The following ZNF737 variants were observed in gnomAD, a reference collection of about 807,000 sequenced individuals.
ZNF737 encodes the protein zinc finger protein 102 (Y3).
A neutral mutation model predicts 11.7 loss-of-function variants in ZNF737; 13 were observed. That is an observed-to-expected ratio of 1.11 (90% CI 0.73 to 1.77). The LOEUF is 1.77. Ranked by LOEUF, ZNF737 falls within the 40% of genes most tolerant of loss-of-function variation. The pLI, the probability that ZNF737 is intolerant of heterozygous loss-of-function variation, is 0.00. For missense variants in ZNF737, 636 were observed against 638.0 expected (o/e 1.00, Z 0.03); for synonymous variants, 217 against 216.2 (o/e 1.00, Z -0.03).
In ZNF737 at chr19:20,544,951, TTA is replaced by T. The variant is rs1555756307; in HGVS notation, c.1250_1251del (p.Ile417AsnfsTer11). 1 of 1,612,990 alleles carries T rather than the reference TTA, an allele frequency of 6.2e-7. No homozygotes were observed. The highest frequency in any genetic ancestry group is 1.1e-5 in the South Asian group (1 of 90,928). ...KYSSSLTTHK[I>X]IHTGQQPFKC... Reference sequence around the variant, plus strand: ...TTGAAGGGTTGCTGTCCAGTATGGATTATCTTATGTGTAGTAAGGGAAGAGGA... The same window carrying T: ...TTGAAGGGTTGCTGTCCAGTATGGATTCTTATGTGTAGTAAGGGAAGAGGA... On this transcript the variant is annotated frameshift_variant, in exon 4 of 4. Transcript: ENST00000427401. LOFTEE classifies it low-confidence loss of function (END_TRUNC).
rs190707251 is a variant in ZNF737 at position 20,553,517 on chromosome 19, C to T, written c.130+192G>A. ...TCAGGTAATACCCCCACCTCAGCCTCCCAAAGTGCTGGGATTACAGGCATG... is the reference window on the plus strand; with the variant it reads ...TCAGGTAATACCCCCACCTCAGCCTTCCAAAGTGCTGGGATTACAGGCATG... On this transcript the variant is annotated intron_variant, in intron 2 of 3. Coordinates refer to ENST00000427401, the MANE Select transcript of ZNF737 (RefSeq NM_001159293.2). Among the ~76,000 whole-genome samples the T allele has an allele frequency of 5.1e-3, 780 of 152,150 alleles. 7 individuals are homozygous for T. The highest frequency in any genetic ancestry group is 6.8e-3 in the Middle Eastern group (2 of 294).
chr19:20,535,949 G>T, downstream of ZNF737: 1 of 419,720 alleles, frequency 2.4e-6, no homozygotes, highest in Non-Finnish European at 3.2e-6. Context: ...GGTTAAGAGA[G>T]CTTCTTCAGG....
the ZNF737 span, among the ~76,000 whole-genome samples, chr19:20,530,595 G>A: frequency 6.1e-5 from 9 of 147,938 alleles, no homozygotes; most frequent in Non-Finnish European, 1.2e-4. Context: ...AGACGGGGTC[G>A]TGGCCGGGCC....
intron 1 of ZNF737, chr19:20,563,990 C>A (rs868948805): frequency 6.6e-6 from 1 of 151,622 alleles, no homozygotes; most frequent in Non-Finnish European, 1.5e-5. Context: ...ATGTTGAAAC[C>A]CCCTCTCTAC....
In ZNF737 at chr19:20,563,518, C is replaced by A. The variant is rs149225182; in HGVS notation, c.3+2120G>T. Among the ~76,000 whole-genome samples, 192 of 148,450 alleles carry A rather than the reference C, an allele frequency of 1.3e-3. 3 individuals are homozygous for A. The East Asian group carries it at 0.037, about 28-fold the overall frequency. On this transcript the variant is annotated intron_variant, in intron 1 of 3. Transcript: ENST00000427401. Reference sequence around the variant, plus strand: ...TTTTTTTTTTTTTGAGACGGAGTCACCCTGTGGCCCAGGCTGGAGTTCAAT... The same window carrying A: ...TTTTTTTTTTTTTGAGACGGAGTCAACCTGTGGCCCAGGCTGGAGTTCAAT...
chr19:20,548,000 G>T (rs113265102), intron 3 of ZNF737, among the ~76,000 whole-genome samples: 3,874 of 152,222 alleles, frequency 0.025, 85 homozygotes, highest in Non-Finnish European at 0.038. Context: ...AGATTAGCTT[G>T]GCGATGTGAC....
Position 20,544,013 on chromosome 19 carries a change from A to G in ZNF737, c.*579T>C. 1 of 635,184 alleles carries G rather than the reference A, an allele frequency of 1.6e-6. No individual in the cohort carries two copies. Among genetic ancestry groups the G allele is most frequent in the Non-Finnish European group, 2.0e-6 (1 of 510,534 alleles). The allele number at this position is 635,184 out of a possible 1,614,324, so 39.3% of individuals were successfully genotyped here. A position where few individuals can be genotyped will look rare whatever the true frequency, so the allele number is the denominator to read the frequency against. ...CATGTTGGAGGACACCTGTAATCCCAGCTACTCAGGAAGCTGAGGTAGGAG... is the reference window on the plus strand; with the variant it reads ...CATGTTGGAGGACACCTGTAATCCCGGCTACTCAGGAAGCTGAGGTAGGAG... On this transcript the variant is annotated 3_prime_UTR_variant, in exon 4 of 4. Coordinates refer to ENST00000427401, the MANE Select transcript of ZNF737 (RefSeq NM_001159293.2).
At chr19:20,534,660 A>C (rs1433998910), downstream of ZNF737, among the ~76,000 whole-genome samples, 1 of 150,156 alleles carries the variant, frequency 6.7e-6, no homozygotes, top group Non-Finnish European at 1.5e-5. Flanking sequence ...CAAATTATAC[A>C]TATCAAAAAA....
At chr19:20,553,012 CGAA>C (rs1968749760) in intron 2 of ZNF737, among the ~76,000 whole-genome samples, 25 of 135,106 alleles carry the variant, frequency 1.9e-4, no homozygotes, top group African/African-American at 4.2e-4. Flanking sequence ...ACTCTGTCCC[CGAA>C]AAAAAAAAAA....
At chr19:20,531,172 G>A (rs1967816294), downstream of ZNF737, among the ~76,000 whole-genome samples, 2 of 141,644 alleles carry the variant, frequency 1.4e-5, no homozygotes, top group African/African-American at 5.3e-5. Context: ...AGCCGAGATG[G>A]CAGCAGCACA....
At position 20,545,507 on chromosome 19, in the gene ZNF737, T is replaced by A. The variant is rs782744038; in HGVS notation, c.696A>T (p.Glu232Asp). 3.7e-6 allele frequency: 6 copies of A among 1,613,470 alleles called. No individual in the cohort carries two copies. The highest frequency in any genetic ancestry group is 5.1e-6 in the Non-Finnish European group (6 of 1,179,794). The change falls in exon 4 of 4, where the codon GAA becomes GAT. Residue 232 changes from glutamate to aspartate, a missense_variant. Coordinates refer to ENST00000427401, the MANE Select transcript of ZNF737 (RefSeq NM_001159293.2). Reference protein sequence around the residue: ...IHTGEKRYKCEDCGKAFSRFS... With the variant: ...IHTGEKRYKCDDCGKAFSRFS... ...ACCGGCTAAAGGCTTTGCCACAGTCTTCACATTTGTACCGTTTCTCTCCAG... is the reference window on the plus strand; with the variant it reads ...ACCGGCTAAAGGCTTTGCCACAGTCATCACATTTGTACCGTTTCTCTCCAG...
At position 20,547,401 on chromosome 19, in the gene ZNF737, A is replaced by AAAC. The variant is rs375309959; in HGVS notation, c.227-1426_227-1425insGTT. Among the ~76,000 whole-genome samples, 146 of 141,040 alleles carry AAAC rather than the reference A, an allele frequency of 1.0e-3. 4 individuals are homozygous for AAAC. Among genetic ancestry groups the AAAC allele is most frequent in the Non-Finnish European group, 1.4e-3 (90 of 64,750 alleles). The allele number at this position is 141,040 out of a possible 152,430, so 92.5% of individuals were successfully genotyped here. A position where few individuals can be genotyped will look rare whatever the true frequency, so the allele number is the denominator to read the frequency against. On this transcript the variant is annotated intron_variant, in intron 3 of 3. Coordinates refer to ENST00000427401, the MANE Select transcript of ZNF737 (RefSeq NM_001159293.2). The stretch of plus-strand genomic sequence containing the variant: ...GTCTCAAAAAAAAAAAAAAAAAAAA[A>AAAC]CACCACCTACAGTAACATAAACAAT...
chr19:20,565,507 C>T, intron 1 of ZNF737, 131 bp downstream of exon 1: 1 of 1,504,554 alleles, frequency 6.6e-7, no homozygotes, highest in Non-Finnish European at 9.2e-7. Flanking sequence ...TGAGGCCGAG[C>T]TGGGCAAGGA....
Position 20,543,174 on chromosome 19 carries a change from C to T in ZNF737, c.*1418G>A, listed in dbSNP as rs1311431512. The T allele has an allele frequency of 4.1e-6, 4 of 972,216 alleles. No individual in the cohort carries two copies. The African/African-American group carries it at 7.2e-5, about 17-fold the overall frequency. 60.2% of individuals were successfully genotyped at this position (972,216 alleles called of 1,614,324 possible). On this transcript the variant is annotated 3_prime_UTR_variant, in exon 4 of 4. Coordinates refer to ENST00000427401, the MANE Select transcript of ZNF737 (RefSeq NM_001159293.2). The stretch of plus-strand genomic sequence containing the variant: ...GCAAAATTATATTTTAGCATAAACT[C>T]TCTGTTGTTTTCTAAGCTGTAGTTT...
downstream of ZNF737, among the ~76,000 whole-genome samples, chr19:20,535,585 G>T (rs1555753676): frequency 1.3e-5 from 2 of 150,598 alleles, no homozygotes; most frequent in Non-Finnish European, 2.9e-5. Flanking sequence ...GAGTGCAGTG[G>T]CACCATCTCC....
At chr19:20,562,784 TCTTAAG>T (rs1197781016) in intron 1 of ZNF737, among the ~76,000 whole-genome samples, 1 of 152,090 alleles carries the variant, frequency 6.6e-6, no homozygotes, top group Non-Finnish European at 1.5e-5. Context: ...ATCGAACTCT[TCTTAAG>T]CTTATCTCCC....
chr19:20,537,780 G>A (rs542789429), downstream of ZNF737, among the ~76,000 whole-genome samples: 12 of 152,038 alleles, frequency 7.9e-5, no homozygotes, highest in Admixed American at 7.9e-4. Flanking sequence ...CTCCCAAAGT[G>A]CTGGGATTAC....
downstream of ZNF737, chr19:20,535,725 C>T (rs1277865306): frequency 2.6e-5 from 4 of 151,848 alleles, no homozygotes; most frequent in African/African-American, 9.7e-5. Context: ...AGGATTTCCC[C>T]CATGTTGGCC....
intron 2 of ZNF737, among the ~76,000 whole-genome samples, chr19:20,552,963 G>C (rs1968744639): frequency 6.8e-6 from 1 of 146,732 alleles, no homozygotes; most frequent in Non-Finnish European, 1.5e-5. Flanking sequence ...AGTAAGCTGA[G>C]ATCACACCAC....
Sources: gnomAD v4.1 joint callset for allele counts (sites outside exome capture counted in the v4.1 genomes callset) on GRCh38, gnomAD v4.1.1 for gene constraint, MANE v1.5 for transcripts, NCBI Gene and HGNC (gene_info 2026-07-23, HGNC 2026-07-21) for gene names.